The following AHCY variants were observed in gnomAD, a reference collection of about 807,000 sequenced individuals.
The protein encoded by AHCY is adenosylhomocysteinase, also known as S-adenosyl-L-homocysteine hydrolase.
A neutral mutation model predicts 45.4 loss-of-function variants in AHCY; 24 were observed. The ratio of observed to expected loss-of-function variants is 0.53; its 90% CI spans 0.38 to 0.74. The LOEUF is 0.74. Among genes scored for constraint, AHCY ranks in the 30% least tolerant of loss-of-function variants. The pLI, the probability that AHCY is intolerant of heterozygous loss-of-function variation, is 0.00. For synonymous variants in AHCY, 245 were observed against 235.1 expected (o/e 1.04, Z -0.39); for missense variants, 449 against 594.1 (o/e 0.76, Z 2.54).
chr20:34,288,704 T>A (rs188037650), intron 8 of AHCY, among the ~76,000 whole-genome samples: 49 of 152,050 alleles, frequency 3.2e-4, no homozygotes, highest in Non-Finnish European at 5.3e-4. Flanking sequence ...CATCTCTACA[T>A]ACATATTTAA....
In AHCY at chr20:34,281,030, G is replaced by C; in HGVS notation, c.*4C>G. 1 of 1,614,068 alleles carries C rather than the reference G, an allele frequency of 6.2e-7. No individual in the cohort carries two copies. The highest frequency in any genetic ancestry group is 8.5e-7 in the Non-Finnish European group (1 of 1,180,000). ...AGCTGGAGGGTGAAACGCAGACCTG[G>C]CTCTCAGTAGCGGTAGTGATCCGGC... is the stretch of plus-strand genomic sequence containing the variant. On this transcript the variant is annotated 3_prime_UTR_variant, in exon 10 of 10. Transcript: ENST00000217426.
At chr20:34,288,854 T>C (rs2036273799) in intron 8 of AHCY, among the ~76,000 whole-genome samples, 1 of 152,200 alleles carries the variant, frequency 6.6e-6, no homozygotes, top group South Asian at 2.1e-4. Flanking sequence ...CTCATAATAA[T>C]TGCAACTCAA....
At chr20:34,269,021 C>G in the AHCY span, 34 of 1,607,820 alleles carry the variant, frequency 2.1e-5, no homozygotes, top group Admixed American at 3.4e-5. Flanking sequence ...AGTGGTGCGG[C>G]CCCGGACCCC....
intron 1 of AHCY, among the ~76,000 whole-genome samples, chr20:34,310,045 G>A (rs2122854154): frequency 6.6e-6 from 1 of 151,860 alleles, no homozygotes; most frequent in East Asian, 1.9e-4. Context: ...TGTGGCTTGG[G>A]GAAATTGAAT....
intron 8 of AHCY, chr20:34,285,924 G>A: frequency 2.5e-6 from 1 of 395,920 alleles, no homozygotes; most frequent in Non-Finnish European, 4.8e-6. Context: ...CACAGTGAAA[G>A]CCCGTCTCTA....
the AHCY span, among the ~76,000 whole-genome samples, chr20:34,259,341 C>T: frequency 2.6e-5 from 4 of 151,964 alleles, no homozygotes; most frequent in South Asian, 4.2e-4. Flanking sequence ...GGTGAAATCC[C>T]GTCTTTACTA....
chr20:34,309,535 C>T (rs916690576), intron 1 of AHCY, among the ~76,000 whole-genome samples: 1 of 152,244 alleles, frequency 6.6e-6, no homozygotes, highest in African/African-American at 2.4e-5. Flanking sequence ...CACAGTGGCT[C>T]ATGCCTGTGA....
intron 1 of AHCY, among the ~76,000 whole-genome samples, chr20:34,296,558 G>C (rs982804894): frequency 3.9e-5 from 6 of 152,190 alleles, no homozygotes; most frequent in African/African-American, 1.4e-4. Flanking sequence ...AGGCAGGAAA[G>C]AAGGATATTA....
chr20:34,287,386 ATTTT>A (rs11479058), intron 8 of AHCY, among the ~76,000 whole-genome samples: 1 of 115,748 alleles, frequency 8.6e-6, no homozygotes. Flanking sequence ...TATTTTATTA[ATTTT>A]TTTTTTTTTT....
the AHCY span, among the ~76,000 whole-genome samples, chr20:34,245,560 G>T: frequency 6.6e-6 from 1 of 151,136 alleles, no homozygotes. Flanking sequence ...GCTAAATTTT[G>T]TATTTTTTTT....
the AHCY span, chr20:34,268,964 C>G: frequency 4.4e-6 from 7 of 1,581,180 alleles, no homozygotes; most frequent in Non-Finnish European, 6.0e-6. Flanking sequence ...GTGGCCGGCT[C>G]ATAAAGCCCC....
the AHCY span, chr20:34,241,598 A>AT: frequency 3.2e-6 from 3 of 939,722 alleles, no homozygotes; most frequent in Middle Eastern, 5.5e-4. Context: ...AGTTAAACAG[A>AT]TTTTTTTGAT....
chr20:34,276,394 C>T (rs763875121), downstream of AHCY, among the ~76,000 whole-genome samples: 3 of 152,054 alleles, frequency 2.0e-5, no homozygotes, highest in Admixed American at 1.3e-4. Context: ...CAGGTCCCCA[C>T]GAGAGACAGG....
At chr20:34,256,989 A>G in the AHCY span, among the ~76,000 whole-genome samples, 1 of 149,768 alleles carries the variant, frequency 6.7e-6, no homozygotes, top group South Asian at 2.1e-4. Context: ...ATTCCACCAC[A>G]TCTCCATCCT....
chr20:34,294,194 T>C (rs1342085387), intron 2 of AHCY, 38 bp from the exon 3 acceptor site: 5 of 1,597,414 alleles, frequency 3.1e-6, no homozygotes, highest in Non-Finnish European at 4.3e-6. Context: ...TGGTCACTGA[T>C]GGCTCAAAAG....
At chr20:34,267,309 C>T in the AHCY span, among the ~76,000 whole-genome samples, 15 of 151,758 alleles carry the variant, frequency 9.9e-5, no homozygotes, top group African/African-American at 3.6e-4. Flanking sequence ...TCTGGGAAGG[C>T]CTCTGTAAGG....
the AHCY span, among the ~76,000 whole-genome samples, chr20:34,241,248 G>A: frequency 6.6e-6 from 1 of 152,150 alleles, no homozygotes; most frequent in Non-Finnish European, 1.5e-5. Flanking sequence ...TGCTTCTTTT[G>A]TAAAACCTCT....
chr20:34,296,491 A>G (rs1235338244), intron 1 of AHCY, among the ~76,000 whole-genome samples: 1 of 152,240 alleles, frequency 6.6e-6, no homozygotes, highest in African/African-American at 2.4e-5. Context: ...ACTAGTAACA[A>G]AAAGTATTTC....
chr20:34,303,175 C>T (rs2036840763), intron 1 of AHCY, 68 bp downstream of exon 1: 6 of 1,547,784 alleles, frequency 3.9e-6, no homozygotes, highest in Middle Eastern at 1.8e-4. Context: ...GGCCCTGCAG[C>T]CCCCGCCACG....
Sources: gnomAD v4.1 joint callset for allele counts (sites outside exome capture counted in the v4.1 genomes callset) on GRCh38, gnomAD v4.1.1 for gene constraint, MANE v1.5 for transcripts, NCBI Gene and HGNC (gene_info 2026-07-23, HGNC 2026-07-21) for gene names.